SDK1: variants seen among roughly 807,000 people sequenced by gnomAD.
SDK1 encodes protein sidekick-1.
A neutral mutation model predicts 245.5 loss-of-function variants in SDK1; 157 were observed. That is an observed-to-expected ratio of 0.64 (90% CI 0.56 to 0.73). SDK1 has a LOEUF of 0.73. Ranked by LOEUF, SDK1 falls within the 30% of genes least tolerant of loss-of-function variation. The pLI, the probability that SDK1 is intolerant of heterozygous loss-of-function variation, is 0.00. For missense variants in SDK1, 3,583 were observed against 3,002.3 expected, an observed-to-expected ratio of 1.19 and a Z score of -4.52; for synonymous variants, 1,647 against 1,278.5, an observed-to-expected ratio of 1.29 and a Z score of -6.15.
chr7:3,826,861 C>T (rs761027792), intron 5 of SDK1, among the ~76,000 whole-genome samples: 1 of 152,110 alleles, frequency 6.6e-6, no homozygotes, highest in Non-Finnish European at 1.5e-5. Context: ...TTCGTTTCTG[C>T]GCCCCAAATG....
chr7:3,833,644 G>C (rs1779964463), intron 5 of SDK1, among the ~76,000 whole-genome samples: 1 of 152,194 alleles, frequency 6.6e-6, no homozygotes, highest in Non-Finnish European at 1.5e-5. Context: ...AGCTTAAGGA[G>C]TTTCATACTT....
chr7:3,639,419 G>C (rs1368725115), intron 3 of SDK1, among the ~76,000 whole-genome samples: 1 of 152,132 alleles, frequency 6.6e-6, no homozygotes, highest in African/African-American at 2.4e-5. Context: ...CTTGTACTAT[G>C]TTTGGATTCA....
chr7:3,568,253 C>T (rs142546310), intron 1 of SDK1, among the ~76,000 whole-genome samples: 19 of 152,100 alleles, frequency 1.2e-4, no homozygotes, highest in African/African-American at 4.6e-4. Flanking sequence ...AAATGCATAA[C>T]TTCATATGCA....
At chr7:3,682,754 G>C (rs969825232) in intron 4 of SDK1, among the ~76,000 whole-genome samples, 2 of 149,540 alleles carry the variant, frequency 1.3e-5, no homozygotes, top group Non-Finnish European at 3.0e-5. Context: ...GTTTTGCTTT[G>C]TCACTCGATC....
intron 1 of SDK1, among the ~76,000 whole-genome samples, chr7:3,327,653 A>G (rs535147990): frequency 6.6e-6 from 1 of 152,242 alleles, no homozygotes; most frequent in African/African-American, 2.4e-5. Flanking sequence ...GTAGTTCCAA[A>G]ATAAAAAAAA....
chr7:3,587,300 CGTGTGTGTGTGT>C (rs10523052), intron 1 of SDK1, among the ~76,000 whole-genome samples: 1 of 149,052 alleles, frequency 6.7e-6, no homozygotes, highest in Non-Finnish European at 1.5e-5. Context: ...AGAAACAGAA[CGTGTGTGTGTGT>C]GTGTGTGTGT....
intron 1 of SDK1, among the ~76,000 whole-genome samples, chr7:3,575,069 A>G (rs1277934249): frequency 6.6e-6 from 1 of 152,002 alleles, no homozygotes; most frequent in Non-Finnish European, 1.5e-5. Flanking sequence ...CTTACAAGAC[A>G]GATTCTTACG....
Position 4,154,149 on chromosome 7 carries a change from G to C in SDK1, c.4626-4299G>C, listed in dbSNP as rs1008898746. On this transcript the variant is annotated intron_variant, in intron 30 of 44. Coordinates refer to ENST00000404826, the MANE Select transcript of SDK1 (RefSeq NM_152744.4). ...GACTCTGCATTTAGCTCTGAGGCAG[G>C]AACGTGGAACTTAAGCTATGTCCTT... Among the ~76,000 whole-genome samples, 12 of 152,324 alleles carry C rather than the reference G, an allele frequency of 7.9e-5. No homozygotes were observed. The East Asian group carries it at 2.3e-3, about 29-fold the overall frequency.
chr7:3,933,582 T>C (rs1376924757), intron 5 of SDK1, among the ~76,000 whole-genome samples: 4 of 152,192 alleles, frequency 2.6e-5, no homozygotes, highest in East Asian at 3.9e-4. Context: ...AAGATTTTCT[T>C]CCTCAGAGTT....
rs537104364 is a variant in SDK1, at chr7:4,077,301, G to A, written c.3202+112G>A. ...AAGCCACTGAGTGCCTTGAAAAGGA[G>A]TAGTGGCCTCCTGCCAAGATGCTGG... On this transcript the variant is annotated intron_variant, in intron 21 of 44. Transcript: ENST00000404826. 2.8e-5 allele frequency: 28 copies of A among 1,005,506 alleles called. No individual in the cohort carries two copies. The Admixed American group carries it at 4.6e-4, about 16-fold the overall frequency. 62.3% of individuals were successfully genotyped at this position (1,005,506 alleles called of 1,614,324 possible).
intron 1 of SDK1, among the ~76,000 whole-genome samples, chr7:3,410,729 G>A (rs1252743793): frequency 6.6e-6 from 1 of 151,932 alleles, no homozygotes; most frequent in African/African-American, 2.4e-5. Flanking sequence ...TGGGGTTACA[G>A]GCACACACTA....
chr7:3,387,399 A>G (rs899643282), intron 1 of SDK1, among the ~76,000 whole-genome samples: 2 of 152,120 alleles, frequency 1.3e-5, no homozygotes, highest in Non-Finnish European at 2.9e-5. Context: ...ACCCTGATGA[A>G]GGTTATTTCA....
At chr7:3,721,026 T>G (rs2115029172) in intron 4 of SDK1, among the ~76,000 whole-genome samples, 1 of 152,302 alleles carries the variant, frequency 6.6e-6, no homozygotes, top group South Asian at 2.1e-4. Context: ...CCATTTAGAT[T>G]CCATTTATTT....
At chr7:4,260,523 T>C (rs1464629846) in intron 44 of SDK1, among the ~76,000 whole-genome samples, 10 of 123,186 alleles carry the variant, frequency 8.1e-5, no homozygotes, top group East Asian at 2.6e-4. Flanking sequence ...TGCTCCGGGG[T>C]CTCTGTGTGT....
At chr7:3,355,426 C>T (rs1379911534) in intron 1 of SDK1, among the ~76,000 whole-genome samples, 1 of 152,174 alleles carries the variant, frequency 6.6e-6, no homozygotes, top group African/African-American at 2.4e-5. Context: ...AGCAGTCTTC[C>T]TGCTGCCTCA....
chr7:3,821,695 A>C lies in SDK1; in HGVS notation c.847+112A>C, dbSNP rs1779650400. The C allele has an allele frequency of 5.9e-6, 7 of 1,178,798 alleles. No homozygotes were observed. The South Asian group carries it at 1.1e-4, about 18-fold the overall frequency. 73.0% of individuals were successfully genotyped at this position (1,178,798 alleles called of 1,614,324 possible). ...ATAAATTTTCTCTCTCTAGTGTAGT[A>C]GTTACGGTTTAATATTGATCCAGTG... On this transcript the variant is annotated intron_variant, in intron 5 of 44. Transcript: ENST00000404826.
chr7:4,206,360 C>T (rs189256190), intron 36 of SDK1, among the ~76,000 whole-genome samples: 1 of 152,326 alleles, frequency 6.6e-6, no homozygotes, highest in Admixed American at 6.5e-5. Flanking sequence ...TATAAAAGAA[C>T]ATGGGGCGCC....
chr7:3,589,304 G>C (rs1027383989), intron 1 of SDK1, among the ~76,000 whole-genome samples: 12 of 151,992 alleles, frequency 7.9e-5, no homozygotes, highest in African/African-American at 2.9e-4. Flanking sequence ...GCGTGGGCCT[G>C]TTGACGTCAG....
At chr7:3,756,782 G>GT (rs1235418682) in intron 4 of SDK1, among the ~76,000 whole-genome samples, 1 of 152,098 alleles carries the variant, frequency 6.6e-6, no homozygotes, top group Admixed American at 6.5e-5. Context: ...ATATTTGGGT[G>GT]TATCTGTTGT....
Sources: allele counts gnomAD v4.1 joint callset (sites outside exome capture counted in the v4.1 genomes callset), GRCh38; gene constraint gnomAD v4.1.1; transcripts MANE v1.5; gene names NCBI Gene and HGNC (gene_info 2026-07-23, HGNC 2026-07-21).